The following TLK2 variants were observed in gnomAD, a reference collection of about 807,000 sequenced individuals.
TLK2 encodes the protein serine/threonine-protein kinase tousled-like 2.
In TLK2, 6 loss-of-function variants were observed where a neutral mutation model predicts 117.3. That is an observed-to-expected ratio of 0.05 (90% CI 0.03 to 0.10). The LOEUF is 0.10. Ranked by LOEUF, TLK2 falls within the 10% of genes least tolerant of loss-of-function variation. The probability of loss-of-function intolerance (pLI) is 1.00; values close to 1 mark genes in which losing one functional copy is unlikely to be tolerated. For synonymous variants in TLK2, 257 were observed against 316.7 expected, an observed-to-expected ratio of 0.81 and a Z score of 2.00; for missense variants, 299 against 901.2, an observed-to-expected ratio of 0.33 and a Z score of 8.56.
At chr17:62,492,959 A>G (rs2073256135) in intron 2 of TLK2, among the ~76,000 whole-genome samples, 1 of 152,034 alleles carries the variant, frequency 6.6e-6, no homozygotes, top group African/African-American at 2.4e-5. Flanking sequence ...TTAGCCGGGC[A>G]TGTTGGTGGG....
chr17:62,553,576 C>T lies in TLK2; in HGVS notation c.628-87C>T. The T allele has an allele frequency of 4.5e-6, 4 of 896,020 alleles. No individual in the cohort carries two copies. The South Asian group carries it at 5.7e-5, about 13-fold the overall frequency. The allele number at this position is 896,020 out of a possible 1,614,324, so 55.5% of individuals were successfully genotyped here. A position where few individuals can be genotyped will look rare whatever the true frequency, so the allele number is the denominator to read the frequency against. Reference sequence around the variant, plus strand: ...TTGTGTGAGCAAGTGCTTTTTCCCACCCCCCCGAGAAAGGTAATGAGAAGA... The same window carrying T: ...TTGTGTGAGCAAGTGCTTTTTCCCATCCCCCCGAGAAAGGTAATGAGAAGA... On this transcript the variant is annotated intron_variant, in intron 8 of 21. Coordinates refer to ENST00000346027, the MANE Select transcript of TLK2 (RefSeq NM_006852.6).
At chr17:62,561,651 A>G (rs1169450196) in intron 10 of TLK2, among the ~76,000 whole-genome samples, 9 of 152,270 alleles carry the variant, frequency 5.9e-5, no homozygotes, top group Admixed American at 2.0e-4. Context: ...ACTGTCTTTC[A>G]GTAAAAGTGA....
chr17:62,544,874 A>G (rs1489404419), intron 7 of TLK2, among the ~76,000 whole-genome samples: 1 of 152,182 alleles, frequency 6.6e-6, no homozygotes, highest in African/African-American at 2.4e-5. Flanking sequence ...ATTTCTTTCA[A>G]CAATGTTTTG....
rs1302304570 is a variant in TLK2 at position 62,606,064 on chromosome 17, T to G, written c.1860-66T>G. The G allele has an allele frequency of 5.7e-6, 4 of 700,508 alleles. No individual in the cohort carries two copies. In the East Asian group the frequency reaches 9.3e-5, roughly 16 times the overall value. The allele number at this position is 700,508 out of a possible 1,614,324, so 43.4% of individuals were successfully genotyped here. ...TTTCAACAAGATATTTTATTTTGTC[T>G]TTTTGTACATGTCTTAAACTTATAT... On this transcript the variant is annotated intron_variant, in intron 19 of 21. Transcript: ENST00000346027.
intron 17 of TLK2, among the ~76,000 whole-genome samples, chr17:62,599,418 G>A (rs979430891): frequency 2.0e-5 from 3 of 152,166 alleles, no homozygotes; most frequent in Admixed American, 6.6e-5. Context: ...TCTGTTCCTC[G>A]CCCTTTCGCT....
Position 62,556,565 on chromosome 17 carries a change from A to G in TLK2, c.720+2810A>G, listed in dbSNP as rs114697288. Among the ~76,000 whole-genome samples the G allele has an allele frequency of 3.4e-3, 525 of 152,284 alleles. 3 individuals are homozygous for G. Among genetic ancestry groups the G allele is most frequent in the African/African-American group, 0.012 (489 of 41,558 alleles). On this transcript the variant is annotated intron_variant, in intron 9 of 21. Transcript: ENST00000346027. ...CTTGTTCTATTCGTTCTGCCTCTCAAATATAACACGCATTCTCTCTCTCTG... is the reference window on the plus strand; with the variant it reads ...CTTGTTCTATTCGTTCTGCCTCTCAGATATAACACGCATTCTCTCTCTCTG...
At chr17:62,569,013 C>G (rs2080041436) in intron 11 of TLK2, among the ~76,000 whole-genome samples, 1 of 101,784 alleles carries the variant, frequency 9.8e-6, no homozygotes, top group Admixed American at 9.4e-5. Context: ...CTTTAAAAAT[C>G]TCATCTGGGC....
intron 6 of TLK2, among the ~76,000 whole-genome samples, chr17:62,527,683 T>C (rs1257877090): frequency 6.6e-6 from 1 of 152,150 alleles, no homozygotes; most frequent in Non-Finnish European, 1.5e-5. Context: ...TTAATTTTCA[T>C]TTAATAATTT....
chr17:62,571,940 G>C (rs567988744), intron 11 of TLK2, among the ~76,000 whole-genome samples: 2 of 152,138 alleles, frequency 1.3e-5, no homozygotes, highest in South Asian at 4.1e-4. Context: ...GGCTGAGGCG[G>C]GTGGATCACT....
At chr17:62,545,724 G>A (rs1033402760) in intron 7 of TLK2, among the ~76,000 whole-genome samples, 2 of 152,128 alleles carry the variant, frequency 1.3e-5, no homozygotes, top group African/African-American at 4.8e-5. Flanking sequence ...TTTAAAGACA[G>A]GGTCTCATTT....
rs369887924 is a variant in TLK2 at position 62,533,367 on chromosome 17, GGTGTGTGT to G, written c.364-2786_364-2779del. 2.6e-4 allele frequency among the ~76,000 whole-genome samples: 29 copies of G among 111,124 alleles called. 1 individual carries two copies. Among genetic ancestry groups the G allele is most frequent in the Non-Finnish European group, 7.8e-5 (4 of 51,308 alleles). The allele number at this position is 111,124 out of a possible 152,430, so 72.9% of individuals were successfully genotyped here. On this transcript the variant is annotated intron_variant, in intron 6 of 21. Coordinates refer to ENST00000346027, the MANE Select transcript of TLK2 (RefSeq NM_006852.6). ...TCCCATATGGTGTATTCCTATACGG[GGTGTGTGT>G]GTGTGTGTGTGTGTGTCTGTGTGTG...
rs544900638 is a variant in TLK2 at position 62,505,407 on chromosome 17, A to ATTTTTTTT, written c.82-15347_82-15340dup. Among the ~76,000 whole-genome samples, 51 of 53,768 alleles carry ATTTTTTTT rather than the reference A, an allele frequency of 9.5e-4. 12 individuals carry two copies. The highest frequency in any genetic ancestry group is 3.6e-3 in the African/African-American group (39 of 10,816). The allele number at this position is 53,768 out of a possible 152,430, so 35.3% of individuals were successfully genotyped here. ...TACAGTCATGCACTACCATACCCAG[A>ATTTTTTTT]TTTTTTTTTTTTTTTTTTTTTTTTT... On this transcript the variant is annotated intron_variant, in intron 2 of 21. Coordinates refer to ENST00000346027, the MANE Select transcript of TLK2 (RefSeq NM_006852.6).
At chr17:62,563,591 C>T (rs1404810739) in intron 10 of TLK2, among the ~76,000 whole-genome samples, 1 of 152,202 alleles carries the variant, frequency 6.6e-6, no homozygotes, top group Non-Finnish European at 1.5e-5. Flanking sequence ...GACAGGACAT[C>T]TCAAGGACTT....
At chr17:62,538,970 A>T (rs540562110) in intron 7 of TLK2, among the ~76,000 whole-genome samples, 148 of 152,324 alleles carry the variant, frequency 9.7e-4, no homozygotes, top group African/African-American at 3.3e-3. Flanking sequence ...AATAATGCTC[A>T]ATTTTGGCCA....
chr17:62,562,250 C>T (rs2079346123), intron 10 of TLK2, among the ~76,000 whole-genome samples: 2 of 152,102 alleles, frequency 1.3e-5, no homozygotes, highest in Non-Finnish European at 2.9e-5. Context: ...ATCTTAGCTA[C>T]TCTGGAGGCT....
At chr17:62,496,380 C>A (rs2073685462) in intron 2 of TLK2, among the ~76,000 whole-genome samples, 1 of 152,010 alleles carries the variant, frequency 6.6e-6, no homozygotes, top group South Asian at 2.1e-4. Flanking sequence ...TAATCTTGTA[C>A]ATAATGTCAT....
chr17:62,481,082 T>A (rs554794059), intron 1 of TLK2, 39 bp from the exon 2 acceptor site: 28 of 1,601,406 alleles, frequency 1.7e-5, no homozygotes, highest in Non-Finnish European at 2.4e-5. Context: ...CCTCACATTT[T>A]AGTGTTTATG....
intron 2 of TLK2, among the ~76,000 whole-genome samples, chr17:62,514,526 A>G (rs1485150294): frequency 6.6e-6 from 1 of 151,752 alleles, no homozygotes; most frequent in Non-Finnish European, 1.5e-5. Context: ...AGTTTCAAAA[A>G]CTTTTTAATT....
intron 2 of TLK2, among the ~76,000 whole-genome samples, chr17:62,487,496 C>G (rs9675048): frequency 1 from 146,558 of 146,558 alleles, 73,279 homozygotes; most frequent in Non-Finnish European, 1. Context: ...TCCAGCATGG[C>G]CAACAGAGTG....
Sources: allele counts gnomAD v4.1 joint callset (sites outside exome capture counted in the v4.1 genomes callset), GRCh38; gene constraint gnomAD v4.1.1; transcripts MANE v1.5; gene names NCBI Gene and HGNC (gene_info 2026-07-23, HGNC 2026-07-21).